The following TES variants were observed in gnomAD, a reference collection of about 807,000 sequenced individuals.
TES encodes the protein testin.
In TES, 41 loss-of-function variants were observed where a neutral mutation model predicts 48.2. The ratio of observed to expected loss-of-function variants is 0.85; its 90% CI spans 0.66 to 1.10. The LOEUF (loss-of-function observed/expected upper bound fraction) is 1.10, where lower values mean the gene tolerates loss of function less well. TES is among the 50% of genes least tolerant of loss of function. The pLI is 0.00. For missense variants in TES, 463 were observed against 515.1 expected (o/e 0.90, Z 0.98); for synonymous variants, 162 against 174.9 (o/e 0.93, Z 0.58).
intron 1 of TES, among the ~76,000 whole-genome samples, chr7:116,211,751 A>G (rs1032060197): frequency 1.3e-5 from 2 of 152,228 alleles, no homozygotes; most frequent in Non-Finnish European, 2.9e-5. Flanking sequence ...TTTATCTTCT[A>G]AACACAAAGT....
At chr7:116,246,945 C>A (rs1002207832) in intron 2 of TES, among the ~76,000 whole-genome samples, 3 of 95,200 alleles carry the variant, frequency 3.2e-5, no homozygotes, top group African/African-American at 4.5e-5. Context: ...GAGACTAGGC[C>A]CCTTTTTTTT....
intron 6 of TES, chr7:116,252,883 T>A (rs1554439590): frequency 5.3e-6 from 1 of 188,402 alleles, no homozygotes; most frequent in Non-Finnish European, 1.1e-5. Context: ...CCACTGGAAT[T>A]TTGTTTTTGC....
intron 1 of TES, among the ~76,000 whole-genome samples, chr7:116,226,043 G>A (rs140542588): frequency 5.9e-4 from 90 of 152,266 alleles, no homozygotes; most frequent in Non-Finnish European, 1.1e-3. Flanking sequence ...GGCAGTGTAA[G>A]TGCTCAATAA....
chr7:116,248,444 AC>A (rs1012493458), intron 2 of TES, among the ~76,000 whole-genome samples: 1 of 152,116 alleles, frequency 6.6e-6, no homozygotes, highest in African/African-American at 2.4e-5. Context: ...TTTCTCCGCA[AC>A]ATCTGTTATT....
At chr7:116,211,282 T>C (rs1799435650) in intron 1 of TES, 1 of 152,262 alleles carries the variant, frequency 6.6e-6, no homozygotes, top group South Asian at 2.1e-4. Flanking sequence ...CTAATGTGAT[T>C]TTTTTTTCGG....
chr7:116,222,988 CCTTTT>C, intron 1 of TES: 1 of 985,118 alleles, frequency 1.0e-6, no homozygotes, highest in African/African-American at 1.7e-5. Flanking sequence ...CAGGAGGAGT[CCTTTT>C]CTGAGTAGAG....
chr7:116,228,262 G>A lies in TES; in HGVS notation c.28-6272G>A, dbSNP rs370963363. ...CTTAAGACCTATTTGTCTATGATTCGTGTTTCACAGTAAAATTATGTAGTC... is the reference window on the plus strand; with the variant it reads ...CTTAAGACCTATTTGTCTATGATTCATGTTTCACAGTAAAATTATGTAGTC... On this transcript the variant is annotated intron_variant, in intron 1 of 6. Coordinates refer to ENST00000358204, the MANE Select transcript of TES (RefSeq NM_015641.4). Among the ~76,000 whole-genome samples the A allele has an allele frequency of 5.9e-5, 9 of 152,032 alleles. 1 individual carries two copies. In the South Asian group the frequency reaches 1.0e-3, roughly 18 times the overall value.
At chr7:116,241,421 T>A (rs1203928703) in intron 2 of TES, among the ~76,000 whole-genome samples, 1 of 152,160 alleles carries the variant, frequency 6.6e-6, no homozygotes, top group Non-Finnish European at 1.5e-5. Context: ...AGCTGGCTCT[T>A]CTCCTTGTAG....
At chr7:116,244,479 A>AC in intron 2 of TES, among the ~76,000 whole-genome samples, 1 of 152,360 alleles carries the variant, frequency 6.6e-6, no homozygotes, top group South Asian at 2.1e-4. Context: ...TTCATGTCTC[A>AC]CATCCAGGGT....
chr7:116,229,679 G>T (rs1799673116), intron 1 of TES, among the ~76,000 whole-genome samples: 1 of 152,192 alleles, frequency 6.6e-6, no homozygotes, highest in Admixed American at 6.5e-5. Flanking sequence ...TTATGAAGGG[G>T]AGAATAGCAG....
rs1799988214 is a variant in TES at position 116,250,413 on chromosome 7, A to G, written c.619A>G (p.Asn207Asp). 2 of 1,613,038 alleles carry G rather than the reference A, an allele frequency of 1.2e-6. No homozygotes were observed. The highest frequency in any genetic ancestry group is 1.7e-6 in the Non-Finnish European group (2 of 1,179,550). The change falls in exon 4 of 7, where the codon AAC (asparagine) becomes GAC (aspartate). Residue 207 changes from asparagine to aspartate, a missense_variant. Coordinates refer to ENST00000358204, the MANE Select transcript of TES (RefSeq NM_015641.4). Reference protein sequence around the residue: ...EMDAQGPKQMNIPGGDRSTPA... With the variant: ...EMDAQGPKQMDIPGGDRSTPA... ...GGATGCCCAAGGCCCCAAACAAATG[A>G]ACATTCCTGGAGGGGATAGAAGCAC...
chr7:116,238,167 C>T (rs1218181292), intron 2 of TES: 2 of 152,260 alleles, frequency 1.3e-5, no homozygotes, highest in Non-Finnish European at 2.9e-5. Flanking sequence ...TGATTTTCTG[C>T]TGGCACCTCC....
At chr7:116,235,888 A>ATTGAATCAGTTTT (rs1799764236) in intron 2 of TES, among the ~76,000 whole-genome samples, 1 of 152,226 alleles carries the variant, frequency 6.6e-6, no homozygotes, top group Non-Finnish European at 1.5e-5. Context: ...AAACTAGTTT[A>ATTGAATCAGTTTT]TTGAATCAGT....
intron 1 of TES, chr7:116,222,873 C>T: frequency 3.1e-6 from 2 of 637,646 alleles, no homozygotes; most frequent in Non-Finnish European, 3.9e-6. Context: ...GGAGCCAGAG[C>T]TCAGCCAATC....
At chr7:116,256,663 A>C (rs1800103548) in intron 6 of TES, among the ~76,000 whole-genome samples, 1 of 152,206 alleles carries the variant, frequency 6.6e-6, no homozygotes, top group Non-Finnish European at 1.5e-5. Flanking sequence ...ACACATACTG[A>C]ATGGTACAGG....
intron 2 of TES, among the ~76,000 whole-genome samples, chr7:116,235,274 C>A (rs1254292789): frequency 6.6e-6 from 1 of 152,112 alleles, no homozygotes; most frequent in Non-Finnish European, 1.5e-5. Context: ...TAATTATTCT[C>A]TTCTTAAAAA....
At chr7:116,212,470 G>C (rs1799449825) in intron 1 of TES, among the ~76,000 whole-genome samples, 1 of 152,134 alleles carries the variant, frequency 6.6e-6, no homozygotes, top group African/African-American at 2.4e-5. Flanking sequence ...CGGGTTGTTG[G>C]TAGTCCGGGA....
chr7:116,257,693 G>C lies in TES; in HGVS notation c.*211G>C, dbSNP rs1194824368. The C allele has an allele frequency of 2.3e-6, 1 of 430,062 alleles. No homozygotes were observed. Among genetic ancestry groups the C allele is most frequent in the Admixed American group, 4.1e-5 (1 of 24,632 alleles). 26.6% of individuals were successfully genotyped at this position (430,062 alleles called of 1,614,324 possible). On this transcript the variant is annotated 3_prime_UTR_variant, in exon 7 of 7. Transcript: ENST00000358204. ...GTTTAAGCATTTGATTTGTAAAACA[G>C]TAAATAATTGTATCTTTCCATAGCT...
At chr7:116,233,622 G>A (rs1311504577) in intron 1 of TES, among the ~76,000 whole-genome samples, 1 of 152,132 alleles carries the variant, frequency 6.6e-6, no homozygotes, top group East Asian at 1.9e-4. Context: ...ATATAGTTCT[G>A]TAAGATTTTA....
Sources: gnomAD v4.1 joint callset for allele counts (sites outside exome capture counted in the v4.1 genomes callset) on GRCh38, gnomAD v4.1.1 for gene constraint, MANE v1.5 for transcripts, NCBI Gene and HGNC (gene_info 2026-07-23, HGNC 2026-07-21) for gene names.